Variants in CSF2RA observed in about 807,000 individuals in gnomAD.
CSF2RA encodes the protein granulocyte-macrophage colony-stimulating factor receptor subunit alpha.
In CSF2RA, 42 loss-of-function variants were observed where a neutral mutation model predicts 51.6. The observed-to-expected ratio is 0.81, with a 90% confidence interval of 0.64 to 1.05. The LOEUF (loss-of-function observed/expected upper bound fraction) is 1.05, where lower values mean the gene tolerates loss of function less well. Among genes scored for constraint, CSF2RA ranks in the 50% least tolerant of loss-of-function variants. The pLI, the probability that CSF2RA is intolerant of heterozygous loss-of-function variation, is 0.00. For synonymous variants in CSF2RA, 222 were observed against 193.0 expected (o/e 1.15, Z -1.24); for missense variants, 530 against 501.1 (o/e 1.06, Z -0.55).
downstream of CSF2RA, among the ~76,000 whole-genome samples, chrX:1,314,345 G>GCCTGCCCAACCGCACTGCA (rs2084354493): frequency 3.3e-5 from 1 of 29,890 alleles, no homozygotes; most frequent in Admixed American, 3.7e-4. Flanking sequence ...ACCCCACTGC[G>GCCTGCCCAACCGCACTGCA]CCTGCCCAAC....
intron 10 of CSF2RA, among the ~76,000 whole-genome samples, chrX:1,300,963 G>C (rs191137644): frequency 3.8e-4 from 57 of 151,302 alleles, no homozygotes; most frequent in African/African-American, 1.3e-3. Context: ...AGACCAGCCT[G>C]GCCAACATGG....
intron 2 of CSF2RA, among the ~76,000 whole-genome samples, chrX:1,281,110 C>T (rs1329341189): frequency 1.0e-5 from 1 of 95,930 alleles, no homozygotes; most frequent in Non-Finnish European, 2.1e-5. Context: ...TCTCCTCCTC[C>T]TTCTCCTCCT....
the CSF2RA span, among the ~76,000 whole-genome samples, chrX:1,318,916 C>CAAA: frequency 7.3e-6 from 1 of 137,366 alleles, no homozygotes; most frequent in African/African-American, 2.7e-5. Context: ...GACTCCATCT[C>CAAA]AAAAAAAAAA....
intron 3 of CSF2RA, among the ~76,000 whole-genome samples, chrX:1,284,660 ATTTTTTTT>A: frequency 8.2e-5 from 2 of 24,410 alleles, no homozygotes; most frequent in South Asian, 1.7e-3. Flanking sequence ...CTAGTTTTTG[ATTTTTTTT>A]TTTTTTTTTT....
At chrX:1,294,243 G>A (rs1463460797) in intron 7 of CSF2RA, 85 bp from the exon 8 acceptor site, 64 of 1,549,934 alleles carry the variant, frequency 4.1e-5, no homozygotes, top group Non-Finnish European at 5.7e-5. Context: ...GTGTAGACAG[G>A]AGGAGACTCT....
chrX:1,283,308 T>C (rs764476987), intron 3 of CSF2RA, among the ~76,000 whole-genome samples: 5 of 148,526 alleles, frequency 3.4e-5, no homozygotes, highest in African/African-American at 1.2e-4. Flanking sequence ...TTCTCTTCCT[T>C]CCTTCCCTCC....
intron 2 of CSF2RA, among the ~76,000 whole-genome samples, chrX:1,280,116 G>T (rs1470036966): frequency 6.6e-6 from 1 of 152,056 alleles, no homozygotes; most frequent in Non-Finnish European, 1.5e-5. Context: ...CAGAGAGGAG[G>T]TTTGGAGCAG....
rs184635691 is a variant in CSF2RA at position 1,269,325 on chromosome X, C to T, written c.-91+446C>T. ...TATCTGTGGCATCCGGAAGCCGTTT[C>T]GAGAGATGAACGCGGCCGGGCGTGG... On this transcript the variant is annotated intron_variant, in intron 1 of 12. Transcript: ENST00000381529. Among the ~76,000 whole-genome samples, 6 of 152,112 alleles carry T rather than the reference C, an allele frequency of 3.9e-5. No homozygotes were observed. The South Asian group carries it at 8.3e-4, about 21-fold the overall frequency.
chrX:1,301,331 C>CAA lies in CSF2RA; in HGVS notation c.946+727_946+728dup, dbSNP rs1156943650. Reference sequence around the variant, plus strand: ...TGGGTGACAGAGTGAGACTCTGTCTCAAAAAAAAAAAAAAAAAAAAAAAGA... The same window carrying CAA: ...TGGGTGACAGAGTGAGACTCTGTCTCAAAAAAAAAAAAAAAAAAAAAAAAAGA... On this transcript the variant is annotated intron_variant, in intron 10 of 12. Coordinates refer to ENST00000381529, the MANE Select transcript of CSF2RA (RefSeq NM_172245.4). 6.9e-3 allele frequency among the ~76,000 whole-genome samples: 427 copies of CAA among 62,328 alleles called. 10 individuals are homozygous for CAA. Among genetic ancestry groups the CAA allele is most frequent in the African/African-American group, 0.011 (184 of 16,548 alleles). 40.9% of individuals were successfully genotyped at this position (62,328 alleles called of 152,430 possible).
downstream of CSF2RA, chrX:1,309,955 A>G (rs1192287882): frequency 1.8e-6 from 1 of 541,598 alleles, no homozygotes; most frequent in African/African-American, 1.9e-5. Flanking sequence ...CATGCCTGTA[A>G]TCCTAACACT....
chrX:1,283,261 A>T (rs767723904), intron 3 of CSF2RA, among the ~76,000 whole-genome samples: 2 of 95,802 alleles, frequency 2.1e-5, no homozygotes, highest in African/African-American at 1.5e-4. Context: ...CCTTCCTTCC[A>T]TCCTTCTCTC....
chrX:1,305,592 G>A (rs778272291), intron 12 of CSF2RA, 65 bp downstream of exon 12: 53 of 1,613,928 alleles, frequency 3.3e-5, no homozygotes, highest in Non-Finnish European at 3.9e-5. Flanking sequence ...CGTGGGACAC[G>A]GCCTCTGGGT....
chrX:1,282,434 C>T, intron 2 of CSF2RA: 1 of 589,700 alleles, frequency 1.7e-6, no homozygotes. Flanking sequence ...ACCCATGAAC[C>T]ATGGAAGCTT....
At chrX:1,277,986 A>AAAC (rs1295016709) in intron 2 of CSF2RA, among the ~76,000 whole-genome samples, 1 of 147,528 alleles carries the variant, frequency 6.8e-6, no homozygotes, top group African/African-American at 2.5e-5. Context: ...CAAAAAAAAA[A>AAAC]AAAAAAATTT....
At chrX:1,323,442 C>T in the CSF2RA span, among the ~76,000 whole-genome samples, 32 of 152,106 alleles carry the variant, frequency 2.1e-4, no homozygotes, top group African/African-American at 6.5e-4. Context: ...AGGAGCATGT[C>T]GTCAGTCACT....
intron 2 of CSF2RA, among the ~76,000 whole-genome samples, chrX:1,280,275 C>T (rs377735840): frequency 1.1e-4 from 17 of 152,038 alleles, no homozygotes; most frequent in East Asian, 7.8e-4. Context: ...AGTTCGAGCC[C>T]AGCCTGGCCA....
intron 10 of CSF2RA, chrX:1,302,887 T>C (rs1225051682): frequency 4.0e-6 from 1 of 248,300 alleles, no homozygotes; most frequent in Admixed American, 5.7e-5. Context: ...ATTTATTTAT[T>C]TTGAGACAGG....
At chrX:1,285,746 G>C (rs749533914) in intron 3 of CSF2RA, 32 bp from the exon 4 acceptor site, 2 of 1,376,076 alleles carry the variant, frequency 1.5e-6, no homozygotes, top group Non-Finnish European at 2.0e-6. Flanking sequence ...AAGAAAAGAG[G>C]AAATTCTGAA....
chrX:1,306,647 AAAAAC>A (rs1305453992), intron 12 of CSF2RA, among the ~76,000 whole-genome samples: 1 of 152,004 alleles, frequency 6.6e-6, no homozygotes, highest in African/African-American at 2.4e-5. Context: ...ACTCTCTATC[AAAAAC>A]AAAACAAAAC....
Sources: allele counts gnomAD v4.1 joint callset (sites outside exome capture counted in the v4.1 genomes callset), GRCh38; gene constraint gnomAD v4.1.1; transcripts MANE v1.5; gene names NCBI Gene and HGNC (gene_info 2026-07-23, HGNC 2026-07-21).